MYL12B: variants seen among roughly 807,000 people sequenced by gnomAD.
The protein encoded by MYL12B is myosin light chain 12B.
MYL12B carries 3 observed loss-of-function variants against 12.9 expected under a neutral mutation model. The ratio of observed to expected loss-of-function variants is 0.23; its 90% CI spans 0.11 to 0.60. The LOEUF (loss-of-function observed/expected upper bound fraction) is 0.60. MYL12B is among the 20% of genes least tolerant of loss of function. The probability of loss-of-function intolerance (pLI) is 0.89; values close to 1 mark genes in which losing one functional copy is unlikely to be tolerated. For missense variants in MYL12B, 120 were observed against 215.4 expected (o/e 0.56, Z 2.77); for synonymous variants, 57 against 71.9 (o/e 0.79, Z 1.05).
At chr18:3,273,316 A>G (rs1293486375) in intron 2 of MYL12B, among the ~76,000 whole-genome samples, 2 of 152,152 alleles carry the variant, frequency 1.3e-5, no homozygotes, top group African/African-American at 4.8e-5. Context: ...CCTGTTAGCT[A>G]AATTTTTTAG....
At chr18:3,272,234 A>C in intron 1 of MYL12B, 1 of 170,388 alleles carries the variant, frequency 5.9e-6, no homozygotes, top group South Asian at 2.9e-4. Flanking sequence ...AGTAGATATC[A>C]TGTTTTACTG....
rs2081748670 is a variant in MYL12B, at chr18:3,278,053, T to G, written c.*116T>G. 2 of 1,288,232 alleles carry G rather than the reference T, an allele frequency of 1.6e-6. No individual in the cohort carries two copies. Among genetic ancestry groups the G allele is most frequent in the South Asian group, 2.9e-5 (2 of 69,254 alleles). The allele number at this position is 1,288,232 out of a possible 1,614,324, so 79.8% of individuals were successfully genotyped here. ...CAACTTAGTTTCACAGCTTTGCCTC[T>G]TCTTTTTGATGTATTTATTCCAGAC... On this transcript the variant is annotated 3_prime_UTR_variant, in exon 4 of 4. Transcript: ENST00000237500.
chr18:3,269,892 G>A (rs1166578972), intron 1 of MYL12B, among the ~76,000 whole-genome samples: 2 of 152,120 alleles, frequency 1.3e-5, no homozygotes, highest in Admixed American at 6.5e-5. Flanking sequence ...ATGCTTAGCA[G>A]TCTTCCTGAT....
intron 2 of MYL12B, among the ~76,000 whole-genome samples, chr18:3,275,043 A>G (rs1419566774): frequency 6.6e-6 from 1 of 152,240 alleles, no homozygotes; most frequent in Non-Finnish European, 1.5e-5. Context: ...CACTATTCAC[A>G]GCAGCCATGA....
intron 1 of MYL12B, among the ~76,000 whole-genome samples, chr18:3,266,402 C>T (rs892521659): frequency 3.9e-5 from 1 of 25,526 alleles, no homozygotes; most frequent in Non-Finnish European, 8.9e-5. Context: ...GCCAAACACC[C>T]TCATTTCACA....
At chr18:3,277,450 C>T (rs748419931) in intron 3 of MYL12B, 36 bp downstream of exon 3, 36 of 1,606,604 alleles carry the variant, frequency 2.2e-5, no homozygotes, top group Non-Finnish European at 2.9e-5. Flanking sequence ...CCTCATTCCA[C>T]ACTATATAAA....
At chr18:3,275,566 C>T (rs920889303) in intron 2 of MYL12B, among the ~76,000 whole-genome samples, 2 of 152,016 alleles carry the variant, frequency 1.3e-5, no homozygotes, top group East Asian at 3.8e-4. Flanking sequence ...ATCTCATGTA[C>T]CCCATAAATA....
chr18:3,277,901 C>T lies in MYL12B; in HGVS notation c.483C>T (p.Arg161=). 1 of 1,613,970 alleles carries T rather than the reference C, an allele frequency of 6.2e-7. No homozygotes were observed. Residue 161 remains arginine (R), a synonymous_variant, in exon 4 of 4, where the codon CGC becomes CGT. Transcript: ENST00000237500. ...ATTTCAATTACATCGAGTTCACACG[C>T]ATCCTGAAACATGGAGCCAAAGACA... ...KGNFNYIEFT[R]ILKHGAKDKD...
Position 3,264,272 on chromosome 18 carries a change from T to C in MYL12B, c.-16+2035T>C, listed in dbSNP as rs572249590. 7.9e-5 allele frequency among the ~76,000 whole-genome samples: 12 copies of C among 152,334 alleles called. No individual in the cohort carries two copies. The East Asian group carries it at 1.7e-3, about 22-fold the overall frequency. On this transcript the variant is annotated intron_variant, in intron 1 of 3. Transcript: ENST00000237500. ...AAGAACTATATATGTATATACACTA[T>C]ATACAACTGTGTATACTATACATAT... is the stretch of plus-strand genomic sequence containing the variant.
At chr18:3,271,508 C>T (rs1298194670) in intron 1 of MYL12B, among the ~76,000 whole-genome samples, 2 of 152,198 alleles carry the variant, frequency 1.3e-5, no homozygotes, top group Non-Finnish European at 2.9e-5. Context: ...CAGTCATTGA[C>T]CTCTCTAGTC....
intron 1 of MYL12B, among the ~76,000 whole-genome samples, chr18:3,265,037 A>G (rs2081625525): frequency 6.6e-6 from 1 of 152,242 alleles, no homozygotes; most frequent in Non-Finnish European, 1.5e-5. Flanking sequence ...AACCTATAAT[A>G]GAGAAAGAAA....
chr18:3,270,053 C>T lies in MYL12B; in HGVS notation c.-15-2831C>T, dbSNP rs552872286. Among the ~76,000 whole-genome samples, 19 of 152,186 alleles carry T rather than the reference C, an allele frequency of 1.2e-4. 1 individual carries two copies. In the South Asian group the frequency reaches 3.9e-3, roughly 32 times the overall value. ...GTAGACTGATCCAAGAAGATTTAGA[C>T]CAGATTTGGCAATTAAAGCAGTTGC... On this transcript the variant is annotated intron_variant, in intron 1 of 3. Coordinates refer to ENST00000237500, the MANE Select transcript of MYL12B (RefSeq NM_033546.4).
chr18:3,273,291 G>A (rs538023373), intron 2 of MYL12B, among the ~76,000 whole-genome samples: 18 of 152,214 alleles, frequency 1.2e-4, no homozygotes, highest in African/African-American at 1.9e-4. Flanking sequence ...TGCTGTGCCC[G>A]GGTAGGCTAA....
chr18:3,276,790 A>T, intron 2 of MYL12B: 1 of 457,056 alleles, frequency 2.2e-6, no homozygotes, highest in Non-Finnish European at 2.9e-6. Context: ...CAATCCCATC[A>T]CTTTGGGAGG....
At chr18:3,273,724 A>T (rs751817169) in intron 2 of MYL12B, among the ~76,000 whole-genome samples, 2 of 152,084 alleles carry the variant, frequency 1.3e-5, no homozygotes, top group Non-Finnish European at 2.9e-5. Flanking sequence ...GGCAAAGGAG[A>T]CCTTGATAGG....
chr18:3,277,699 T>C, intron 3 of MYL12B, 66 bp from the exon 4 acceptor site: 1 of 1,532,732 alleles, frequency 6.5e-7, no homozygotes, highest in Non-Finnish European at 8.8e-7. Flanking sequence ...TGACAAGCTT[T>C]AGGAATGAAC....
At chr18:3,269,186 T>A (rs746270921) in intron 1 of MYL12B, among the ~76,000 whole-genome samples, 24 of 152,198 alleles carry the variant, frequency 1.6e-4, no homozygotes, top group South Asian at 4.1e-4. Flanking sequence ...AGGAACTTGG[T>A]ACTTTATCCT....
At chr18:3,271,536 C>A (rs571736738) in intron 1 of MYL12B, among the ~76,000 whole-genome samples, 2 of 152,144 alleles carry the variant, frequency 1.3e-5, no homozygotes, top group African/African-American at 4.8e-5. Context: ...TTTCACATTG[C>A]AGGAAGTTAC....
At chr18:3,267,856 A>T (rs149206756) in intron 1 of MYL12B, among the ~76,000 whole-genome samples, 1 of 152,210 alleles carries the variant, frequency 6.6e-6, no homozygotes, top group Non-Finnish European at 1.5e-5. Flanking sequence ...CAGATGCTCA[A>T]GTCTCCCATA....
Sources: allele counts gnomAD v4.1 joint callset (sites outside exome capture counted in the v4.1 genomes callset), GRCh38; gene constraint gnomAD v4.1.1; transcripts MANE v1.5; gene names NCBI Gene and HGNC (gene_info 2026-07-23, HGNC 2026-07-21).